ZFP64: variants seen among roughly 807,000 people sequenced by gnomAD.
ZFP64 encodes the protein zinc finger protein 64.
ZFP64 carries 14 observed loss-of-function variants against 51.6 expected under a neutral mutation model. That is an observed-to-expected ratio of 0.27 (90% CI 0.18 to 0.42). ZFP64 has a LOEUF of 0.42. Ranked by LOEUF, ZFP64 falls within the 10% of genes least tolerant of loss-of-function variation. The pLI is 1.00. For synonymous variants in ZFP64, 375 were observed against 361.4 expected (o/e 1.04, Z -0.43); for missense variants, 754 against 906.8 (o/e 0.83, Z 2.16).
In ZFP64 at chr20:52,151,589, C is replaced by T. The variant is rs539192665; in HGVS notation, c.*557G>A. Reference sequence around the variant, plus strand: ...ACTACTTAATGCATTTAATTCCAACCCCTCATTGGAATCATCTTGGTAACA... The same window carrying T: ...ACTACTTAATGCATTTAATTCCAACTCCTCATTGGAATCATCTTGGTAACA... On this transcript the variant is annotated 3_prime_UTR_variant, in exon 6 of 6. Coordinates refer to ENST00000216923, the MANE Select transcript of ZFP64 (RefSeq NM_018197.3). The T allele has an allele frequency of 1.0e-6, 1 of 986,112 alleles. No individual in the cohort carries two copies. The highest frequency in any genetic ancestry group is 4.7e-5 in the South Asian group (1 of 21,318). 61.1% of individuals were successfully genotyped at this position (986,112 alleles called of 1,614,324 possible). A position where few individuals can be genotyped will look rare whatever the true frequency, so the allele number is the denominator to read the frequency against.
chr20:52,142,377 G>GACACACACACACACACGCGCGCGCAC (rs749072185), intron 5 of ZFP64, among the ~76,000 whole-genome samples: 1 of 118,370 alleles, frequency 8.4e-6, no homozygotes, highest in Admixed American at 8.0e-5. Context: ...CACACACACA[G>GACACACACACACACACGCGCGCGCAC]ACACACACAC....
chr20:52,097,239 G>GC (rs1436047645), intron 7 of ZFP64: 4 of 1,074,144 alleles, frequency 3.7e-6, no homozygotes, highest in Non-Finnish European at 5.8e-6. Context: ...CTTCTCCCAA[G>GC]CCCACCCCAC....
chr20:52,087,804 C>G (rs2078880196), intron 8 of ZFP64, among the ~76,000 whole-genome samples: 1 of 152,220 alleles, frequency 6.6e-6, no homozygotes, highest in Non-Finnish European at 1.5e-5. Flanking sequence ...GTACAGCTGC[C>G]TCCCATTTGT....
chr20:52,106,191 G>C, intron 5 of ZFP64, among the ~76,000 whole-genome samples: 1 of 152,196 alleles, frequency 6.6e-6, no homozygotes, highest in South Asian at 2.1e-4. Flanking sequence ...GGTCCTCGGG[G>C]GGTTGAGCTA....
chr20:52,187,559 T>C (rs1373952044), intron 1 of ZFP64, among the ~76,000 whole-genome samples: 1 of 151,874 alleles, frequency 6.6e-6, no homozygotes, highest in Admixed American at 6.6e-5. Flanking sequence ...CAGGCAGAGG[T>C]TGCAGTGAGC....
intron 2 of ZFP64, among the ~76,000 whole-genome samples, chr20:52,186,451 C>A (rs1341607731): frequency 6.6e-6 from 1 of 151,890 alleles, no homozygotes; most frequent in African/African-American, 2.4e-5. Context: ...TGCTTTTTGG[C>A]CCTTTACACA....
Position 52,177,414 on chromosome 20 carries a change from T to C in ZFP64, c.286+9418A>G, listed in dbSNP as rs114162916. 6.0e-3 allele frequency among the ~76,000 whole-genome samples: 909 copies of C among 152,186 alleles called. 9 individuals are homozygous for C. Among genetic ancestry groups the C allele is most frequent in the African/African-American group, 0.017 (725 of 41,536 alleles). ...CTAACTGCCTCCACTACAGTGCAAC[T>C]GGGCAAAGCCATGTGTCCCAGTTTT... is the stretch of plus-strand genomic sequence containing the variant. On this transcript the variant is annotated intron_variant, in intron 2 of 5. Transcript: ENST00000216923.
chr20:52,143,250 G>A (rs1980364641), intron 5 of ZFP64, among the ~76,000 whole-genome samples: 2 of 142,458 alleles, frequency 1.4e-5, no homozygotes, highest in Admixed American at 1.5e-4. Flanking sequence ...AAACATGCCT[G>A]TACTTGAAAA....
rs368946687 is a variant in ZFP64 at position 52,172,204 on chromosome 20, GGT to G, written c.287-6181_287-6180del. ...TGCCAGGGGTGTGTGTGTGTGTGTT[GGT>G]GTGTGTGTGTGTGTTTGTGTGTGTG... On this transcript the variant is annotated intron_variant, in intron 2 of 5. Transcript: ENST00000216923. Among the ~76,000 whole-genome samples, 203 of 150,202 alleles carry G rather than the reference GGT, an allele frequency of 1.4e-3. 1 individual carries two copies. In the Middle Eastern group the frequency reaches 0.024, roughly 18 times the overall value.
At position 52,124,733 on chromosome 20, in the gene ZFP64, A is replaced by C. The variant is rs370911674; in HGVS notation, c.764-26146T>G. Among the ~76,000 whole-genome samples the C allele has an allele frequency of 3.0e-4, 45 of 151,974 alleles. No individual in the cohort carries two copies. In the East Asian group the frequency reaches 7.7e-3, roughly 26 times the overall value. ...CGGTTGCTCCTGCCTCAGCCTCCCA[A>C]GTAGCTGGAACTACAGGTACATCTG... On this transcript the variant is annotated intron_variant, in intron 5 of 8. Coordinates refer to the ZFP64 transcript ENST00000361387.
At chr20:52,189,286 C>T (rs982206133) in intron 1 of ZFP64, among the ~76,000 whole-genome samples, 2 of 151,542 alleles carry the variant, frequency 1.3e-5, no homozygotes, top group East Asian at 2.0e-4. Flanking sequence ...ATCCCAGCTA[C>T]TCAGAAGGCT....
intron 5 of ZFP64, among the ~76,000 whole-genome samples, chr20:52,099,267 A>G (rs2079025871): frequency 6.6e-6 from 1 of 152,198 alleles, no homozygotes; most frequent in South Asian, 2.1e-4. Flanking sequence ...TAAGATAAAA[A>G]GAGCCCAATC....
chr20:52,106,922 C>A (rs554249395), intron 5 of ZFP64, among the ~76,000 whole-genome samples: 1 of 152,132 alleles, frequency 6.6e-6, no homozygotes, highest in East Asian at 1.9e-4. Flanking sequence ...CATGATGGAA[C>A]CTTGTCTCTA....
chr20:52,139,273 G>C (rs1980135634), intron 5 of ZFP64, among the ~76,000 whole-genome samples: 1 of 152,146 alleles, frequency 6.6e-6, no homozygotes, highest in East Asian at 1.9e-4. Flanking sequence ...ATCAATGGTG[G>C]GCTGGATAAA....
intron 7 of ZFP64, among the ~76,000 whole-genome samples, chr20:52,093,038 T>C (rs1277406239): frequency 6.6e-6 from 1 of 152,174 alleles, no homozygotes; most frequent in Non-Finnish European, 1.5e-5. Flanking sequence ...TAATGAAATA[T>C]GACAGAAAGT....
At chr20:52,087,911 G>A (rs1000267493) in intron 8 of ZFP64, among the ~76,000 whole-genome samples, 1 of 152,140 alleles carries the variant, frequency 6.6e-6, no homozygotes, top group Admixed American at 6.5e-5. Flanking sequence ...TTCAACTTAT[G>A]AGCATCTTTA....
chr20:52,094,481 G>C (rs184487733), intron 7 of ZFP64, among the ~76,000 whole-genome samples: 201 of 152,314 alleles, frequency 1.3e-3, no homozygotes, highest in African/African-American at 3.9e-3. Context: ...ATAGGGCTGG[G>C]GGGGAAGGGT....
intron 7 of ZFP64, chr20:52,097,305 C>T (rs377561964): frequency 3.1e-4 from 483 of 1,535,010 alleles, no homozygotes; most frequent in Non-Finnish European, 4.0e-4. Context: ...ATTACTGTGT[C>T]CCTAGCGCTT....
chr20:52,092,942 T>C (rs1483277673), intron 7 of ZFP64, among the ~76,000 whole-genome samples: 1 of 152,186 alleles, frequency 6.6e-6, no homozygotes, highest in African/African-American at 2.4e-5. Context: ...AATTGTTTAT[T>C]GTTCGCAAGT....
Sources: gnomAD v4.1 joint callset for allele counts (sites outside exome capture counted in the v4.1 genomes callset) on GRCh38, gnomAD v4.1.1 for gene constraint, MANE v1.5 for transcripts, NCBI Gene and HGNC (gene_info 2026-07-23, HGNC 2026-07-21) for gene names.